The following MAPK9 variants were observed in gnomAD, a reference collection of about 807,000 sequenced individuals.
MAPK9 encodes the protein Jun kinase.
MAPK9 carries 30 observed loss-of-function variants against 57.1 expected under a neutral mutation model. That is an observed-to-expected ratio of 0.53 (90% CI 0.39 to 0.71). The LOEUF is 0.71. Ranked by LOEUF, MAPK9 falls within the 30% of genes least tolerant of loss-of-function variation. The pLI is 0.00. For synonymous variants in MAPK9, 155 were observed against 177.0 expected, an observed-to-expected ratio of 0.88 and a Z score of 0.99; for missense variants, 362 against 521.0, an observed-to-expected ratio of 0.69 and a Z score of 2.97.
At chr5:180,252,436 G>A (rs1006363961) in intron 5 of MAPK9, among the ~76,000 whole-genome samples, 14 of 152,140 alleles carry the variant, frequency 9.2e-5, no homozygotes, top group African/African-American at 1.7e-4. Flanking sequence ...CTGGACTAAC[G>A]AGTTAGACTG....
At chr5:180,280,779 T>C (rs1486708677) in intron 1 of MAPK9, among the ~76,000 whole-genome samples, 171 bp from the exon 2 acceptor site, 1 of 152,186 alleles carries the variant, frequency 6.6e-6, no homozygotes, top group African/African-American at 2.4e-5. Flanking sequence ...GACATTTCAG[T>C]GGTACCAGAC....
chr5:180,278,340 A>G (rs1292400532), intron 2 of MAPK9, among the ~76,000 whole-genome samples: 1 of 152,236 alleles, frequency 6.6e-6, no homozygotes, highest in Non-Finnish European at 1.5e-5. Context: ...CACTATTCAC[A>G]TTACTACCAA....
chr5:180,260,441 T>A (rs1379253247), intron 5 of MAPK9, among the ~76,000 whole-genome samples: 1 of 152,228 alleles, frequency 6.6e-6, no homozygotes, highest in Admixed American at 6.5e-5. Context: ...AAATTAAATA[T>A]TCCACAATGC....
At chr5:180,289,945 T>C (rs1763087053) in intron 1 of MAPK9, among the ~76,000 whole-genome samples, 1 of 152,220 alleles carries the variant, frequency 6.6e-6, no homozygotes, top group Non-Finnish European at 1.5e-5. Context: ...AGGCTCCAAA[T>C]CCTGGGCTCA....
At chr5:180,252,703 C>G (rs968818779) in intron 5 of MAPK9, among the ~76,000 whole-genome samples, 1 of 152,170 alleles carries the variant, frequency 6.6e-6, no homozygotes, top group Admixed American at 6.5e-5. Flanking sequence ...CACTGGGTGG[C>G]CTGGGACCCT....
chr5:180,285,433 C>G lies in MAPK9; in HGVS notation c.-47-4825G>C, dbSNP rs542538163. Among the ~76,000 whole-genome samples, 23 of 152,320 alleles carry G rather than the reference C, an allele frequency of 1.5e-4. 1 individual carries two copies. In the South Asian group the frequency reaches 4.8e-3, roughly 32 times the overall value. On this transcript the variant is annotated intron_variant, in intron 1 of 11. Coordinates refer to ENST00000452135, the MANE Select transcript of MAPK9 (RefSeq NM_002752.5). Reference sequence around the variant, plus strand: ...CCTTGCTGACTCCCCCTACCAAAACCTACCAAAACACTTTTTCCTCTAACG... The same window carrying G: ...CCTTGCTGACTCCCCCTACCAAAACGTACCAAAACACTTTTTCCTCTAACG...
chr5:180,283,793 G>A (rs532971717), intron 1 of MAPK9, among the ~76,000 whole-genome samples: 13 of 152,206 alleles, frequency 8.5e-5, no homozygotes, highest in African/African-American at 2.9e-4. Context: ...AAAATTAGCC[G>A]GGTGTGGTAG....
chr5:180,270,008 A>C (rs1167924778), intron 2 of MAPK9, among the ~76,000 whole-genome samples: 1 of 152,266 alleles, frequency 6.6e-6, no homozygotes, highest in Admixed American at 6.5e-5. Context: ...CTACTATAGT[A>C]AGAATAAAAT....
intron 1 of MAPK9, among the ~76,000 whole-genome samples, chr5:180,285,009 T>C (rs1762616115): frequency 6.6e-6 from 1 of 152,218 alleles, no homozygotes; most frequent in South Asian, 2.1e-4. Context: ...GTTTTTCAAA[T>C]GTACATATTT....
Position 180,247,504 on chromosome 5 carries a change from A to G in MAPK9, c.623T>C (p.Ile208Thr), listed in dbSNP as rs372815961. The stretch of plus-strand genomic sequence containing the variant: ...TCCCATGATGCAACCCACTGACCAG[A>G]TATCAACTGAAAATAAAATGAAATG... ...LGMGYKENVDIWSVGCIMGEL... is the reference protein window; with the variant it reads ...LGMGYKENVDTWSVGCIMGEL... Residue 208 changes from isoleucine (I) to threonine (T), a missense_variant, in exon 7 of 12, where the codon ATC becomes ACC. Ile to Thr is a moderately conservative substitution (Grantham distance 89). Around this residue, in one of 3 missense-constraint regions of MAPK9, gnomAD observed 127 missense variants for 231.7 expected, o/e 0.55. Transcript: ENST00000452135. This position sits in a 1 kb window ranked among gnomAD's most constrained non-coding sequence, Gnocchi z 4.5. 32 of 1,613,580 alleles carry G rather than the reference A, an allele frequency of 2.0e-5. No homozygotes were observed. Among genetic ancestry groups the G allele is most frequent in the South Asian group, 3.3e-5 (3 of 91,050 alleles).
Position 180,236,398 on chromosome 5 carries a change from C to CA in MAPK9, c.1260dup (p.Glu421Ter). ...TTTCTAACCTATCATCGACAGCCTT[C>CA]AAGGGGTCCCGTCGAGGCATCAAGA... On this transcript the variant is annotated frameshift_variant, in exon 12 of 12. Coordinates refer to ENST00000452135, the MANE Select transcript of MAPK9 (RefSeq NM_002752.5). LOFTEE classifies it high-confidence loss of function. 1 of 1,612,256 alleles carries CA rather than the reference C, an allele frequency of 6.2e-7. No homozygotes were observed. Among genetic ancestry groups the CA allele is most frequent in the Non-Finnish European group, 8.5e-7 (1 of 1,178,638 alleles).
At chr5:180,278,127 A>C (rs1229309266) in intron 2 of MAPK9, among the ~76,000 whole-genome samples, 1 of 152,244 alleles carries the variant, frequency 6.6e-6, no homozygotes, top group Non-Finnish European at 1.5e-5. Flanking sequence ...AGAGGCCTTG[A>C]CCTATCAAAG....
At chr5:180,246,904 T>C (rs1288265255) in intron 7 of MAPK9, 1 of 153,116 alleles carries the variant, frequency 6.5e-6, no homozygotes, top group Non-Finnish European at 1.5e-5. Context: ...TTTAACATAT[T>C]GTTCCTCACA....
chr5:180,283,192 A>G (rs1210728555), intron 1 of MAPK9, among the ~76,000 whole-genome samples: 1 of 152,042 alleles, frequency 6.6e-6, no homozygotes, highest in Admixed American at 6.6e-5. Flanking sequence ...CCAACTAGAG[A>G]CGACGCCTGG....
intron 5 of MAPK9, among the ~76,000 whole-genome samples, chr5:180,256,421 G>A (rs1307188823): frequency 6.6e-6 from 1 of 152,130 alleles, no homozygotes; most frequent in African/African-American, 2.4e-5. Flanking sequence ...CAGGGGGCAA[G>A]AGGGAGTTTC....
At chr5:180,239,004 A>C (rs1357178978) in intron 10 of MAPK9, among the ~76,000 whole-genome samples, 1 of 152,046 alleles carries the variant, frequency 6.6e-6, no homozygotes, top group Non-Finnish European at 1.5e-5. Context: ...AGTGGCTCCC[A>C]CAGAACACTG....
intron 2 of MAPK9, among the ~76,000 whole-genome samples, chr5:180,276,612 T>C (rs1018199875): frequency 8.5e-5 from 13 of 152,192 alleles, no homozygotes; most frequent in African/African-American, 3.1e-4. Flanking sequence ...TCCCAGCACT[T>C]TGGGAGGCCA....
chr5:180,267,634 A>G (rs887259417), intron 3 of MAPK9, among the ~76,000 whole-genome samples: 4 of 151,974 alleles, frequency 2.6e-5, no homozygotes, highest in Non-Finnish European at 5.9e-5. Flanking sequence ...CTCAAGCCAC[A>G]GACTCAAAAG....
At chr5:180,278,959 T>A (rs1762070064) in intron 2 of MAPK9, among the ~76,000 whole-genome samples, 1 of 144,934 alleles carries the variant, frequency 6.9e-6, no homozygotes, top group Admixed American at 6.9e-5. Flanking sequence ...CTTTAAAACT[T>A]TTTTTTTTTT....
Sources: gnomAD v4.1 joint callset for allele counts (sites outside exome capture counted in the v4.1 genomes callset) on GRCh38, gnomAD v4.1.1 for gene constraint, gnomAD v4.1.1 regional missense constraint, Gnocchi (gnomAD v3.1) non-coding constraint, MANE v1.5 for transcripts, NCBI Gene and HGNC (gene_info 2026-07-23, HGNC 2026-07-21) for gene names.